The following PI4KA variants were observed in gnomAD, a reference collection of about 807,000 sequenced individuals.
The protein encoded by PI4KA is PI4-kinase alpha.
PI4KA carries 122 observed loss-of-function variants against 271.4 expected under a neutral mutation model. That is an observed-to-expected ratio of 0.45 (90% CI 0.39 to 0.52). The LOEUF is 0.52. Ranked by LOEUF, PI4KA falls within the 20% of genes least tolerant of loss-of-function variation. PI4KA has a pLI of 0.00. For missense variants in PI4KA, 1,969 were observed against 2,769.1 expected (o/e 0.71, Z 6.48); for synonymous variants, 1,041 against 1,078.8 (o/e 0.96, Z 0.69).
intron 1 of PI4KA, among the ~76,000 whole-genome samples, chr22:20,854,477 T>C (rs1052945062): frequency 6.6e-6 from 1 of 152,118 alleles, no homozygotes; most frequent in Non-Finnish European, 1.5e-5. Flanking sequence ...CTTGGTTTCA[T>C]GGACTGGGAT....
At position 20,742,309 on chromosome 22, in the gene PI4KA, C is replaced by A; in HGVS notation, c.3660G>T (p.Arg1220=). ...TCTCCATGCCATGCTCATTGAACAT[C>A]CGGAGGGGACCCCAGCACAGATGAT... ...LLHHLCWGPL[R]MFNEHGMETA... The change falls in exon 32 of 55, where the codon CGG becomes CGT. Residue 1220 remains arginine (R), a synonymous_variant. Coordinates refer to ENST00000255882, the MANE Select transcript of PI4KA (RefSeq NM_058004.4). 2.5e-6 allele frequency: 4 copies of A among 1,614,206 alleles called. No homozygotes were observed. The highest frequency in any genetic ancestry group is 3.4e-6 in the Non-Finnish European group (4 of 1,180,016).
At chr22:20,780,381 T>A (rs984244486) in intron 19 of PI4KA, among the ~76,000 whole-genome samples, 1 of 152,212 alleles carries the variant, frequency 6.6e-6, no homozygotes, top group Non-Finnish European at 1.5e-5. Context: ...ATCTGACACT[T>A]ACTGAGCCCT....
chr22:20,774,869 A>AACACACACGTACGT (rs1175081830), intron 19 of PI4KA, among the ~76,000 whole-genome samples: 1 of 152,184 alleles, frequency 6.6e-6, no homozygotes, highest in Non-Finnish European at 1.5e-5. Context: ...TGCCTGTGAG[A>AACACACACGTACGT]ACACACACGT....
chr22:20,801,083 G>A (rs1434209420), intron 14 of PI4KA, among the ~76,000 whole-genome samples: 2 of 146,622 alleles, frequency 1.4e-5, no homozygotes, highest in Non-Finnish European at 3.0e-5. Context: ...GTAGAGACAG[G>A]GTTTCACCAT....
At chr22:20,822,782 G>C (rs1922880789) in intron 4 of PI4KA, among the ~76,000 whole-genome samples, 1 of 152,148 alleles carries the variant, frequency 6.6e-6, no homozygotes, top group African/African-American at 2.4e-5. Flanking sequence ...ATTCTTCTTA[G>C]AAAACCCAGG....
chr22:20,736,715 C>T (rs946704033), intron 32 of PI4KA: 3 of 155,702 alleles, frequency 1.9e-5, no homozygotes, highest in Non-Finnish European at 4.2e-5. Context: ...TTGCTGGCAT[C>T]TACAGTAAAG....
rs1218678284 is a variant in PI4KA, at chr22:20,805,163, G to A, written c.1171C>T (p.Leu391Phe). The A allele has an allele frequency of 6.2e-7, 1 of 1,612,324 alleles. No homozygotes were observed. The highest frequency in any genetic ancestry group is 8.5e-7 in the Non-Finnish European group (1 of 1,178,910). ...LRDTLYYMKD[L>F]PTSFVKEIHD... ...ATCTCCTTCACAAAAGAGGTCGGGA[G>A]GTCTGTAGGAAAGAGTGTGGCATCA... Residue 391 changes from leucine to phenylalanine, a missense_variant and splice_region_variant, in exon 11 of 55, where the codon CTC becomes TTC. This residue lies in a region of PI4KA where 540 missense variants were observed against 555.5 expected (regional missense o/e 0.97). Transcript: ENST00000255882.
intron 19 of PI4KA, chr22:20,780,300 A>G (rs1601478686): frequency 6.4e-7 from 1 of 1,565,304 alleles, no homozygotes; most frequent in Non-Finnish European, 8.8e-7. Context: ...GCTATAATTT[A>G]TCCAGGAAAA....
intron 41 of PI4KA, 36 bp downstream of exon 41, chr22:20,727,194 C>T (rs1927455107): frequency 6.3e-7 from 1 of 1,590,126 alleles, no homozygotes; most frequent in African/African-American, 1.4e-5. Flanking sequence ...CCCAACAGTC[C>T]TACCAGAGGC....
Position 20,707,856 on chromosome 22 carries a change from T to C in PI4KA, c.*191A>G, listed in dbSNP as rs1183961339. On this transcript the variant is annotated 3_prime_UTR_variant, in exon 55 of 55. Transcript: ENST00000255882. ...GTGCATAGACAGCACCATCCATTGATTGTCGCTGCAGTCCATGGCGTTACC... is the reference window on the plus strand; with the variant it reads ...GTGCATAGACAGCACCATCCATTGACTGTCGCTGCAGTCCATGGCGTTACC... The C allele has an allele frequency of 1.3e-4, 93 of 692,064 alleles. No homozygotes were observed. The highest frequency in any genetic ancestry group is 2.2e-4 in the Non-Finnish European group (83 of 376,152). 42.9% of individuals were successfully genotyped at this position (692,064 alleles called of 1,614,324 possible).
intron 19 of PI4KA, 32 bp from the exon 20 acceptor site, chr22:20,765,725 G>C: frequency 1.4e-6 from 2 of 1,430,758 alleles, no homozygotes; most frequent in Non-Finnish European, 2.0e-6. Context: ...GAGAAAGGAG[G>C]TTATTTGCTG....
intron 19 of PI4KA, among the ~76,000 whole-genome samples, chr22:20,765,966 G>C (rs531177060): frequency 6.6e-6 from 1 of 152,214 alleles, no homozygotes; most frequent in South Asian, 2.1e-4. Context: ...TTGGAGGCAG[G>C]TGAGCAACAG....
intron 8 of PI4KA, among the ~76,000 whole-genome samples, chr22:20,811,251 C>T (rs960805204): frequency 2.6e-5 from 4 of 152,150 alleles, no homozygotes; most frequent in African/African-American, 4.8e-5. Flanking sequence ...ATAGCAATGA[C>T]ATAAAAACAA....
In PI4KA at chr22:20,710,025, G is replaced by A. The variant is rs1029199084; in HGVS notation, c.6084-28C>T. 1.0e-5 allele frequency: 15 copies of A among 1,447,074 alleles called. No homozygotes were observed. In the African/African-American group the frequency reaches 1.7e-4, roughly 16 times the overall value. 89.6% of individuals were successfully genotyped at this position (1,447,074 alleles called of 1,614,324 possible). ...GGGGAGAGATAGGAGGGAGCGGTGGGCTGAGGCCAGCCTAGGTGGTGGCCC... is the reference window on the plus strand; with the variant it reads ...GGGGAGAGATAGGAGGGAGCGGTGGACTGAGGCCAGCCTAGGTGGTGGCCC... On this transcript the variant is annotated intron_variant, in intron 52 of 54. Transcript: ENST00000255882.
At chr22:20,770,545 GAT>G (rs1932824160) in intron 19 of PI4KA, among the ~76,000 whole-genome samples, 18 of 133,460 alleles carry the variant, frequency 1.3e-4, no homozygotes, top group East Asian at 4.5e-4. Flanking sequence ...GAGAGAGAGA[GAT>G]CGGTTTTGCT....
chr22:20,749,993 C>A lies in PI4KA; in HGVS notation c.3155G>T (p.Ser1052Ile), dbSNP rs757633809. The change falls in exon 28 of 55, where the codon AGC (serine) becomes ATC (isoleucine). Residue 1052 changes from serine to isoleucine, a missense_variant and splice_region_variant. Around this residue, in one of 13 missense-constraint regions of PI4KA, gnomAD observed 368 missense variants for 544.3 expected, o/e 0.68. Coordinates refer to ENST00000255882, the MANE Select transcript of PI4KA (RefSeq NM_058004.4). The part of the protein sequence containing the change: ...TVPDTYEARE[S>I]IVKDFAARCG... ...GCGTGCAGCGAAGTCCTTCACAATG[C>A]TCTGGAAGAGGGTGAAGCTGCTTCT... is the stretch of plus-strand genomic sequence containing the variant. The A allele has an allele frequency of 6.2e-7, 1 of 1,608,976 alleles. No individual in the cohort carries two copies. Among genetic ancestry groups the A allele is most frequent in the South Asian group, 1.1e-5 (1 of 90,972 alleles).
chr22:20,769,611 G>A (rs1011278255), intron 19 of PI4KA, among the ~76,000 whole-genome samples: 1 of 151,414 alleles, frequency 6.6e-6, no homozygotes, highest in Non-Finnish European at 1.5e-5. Flanking sequence ...CGAGGTTGCA[G>A]TGAGCCAAGA....
chr22:20,803,362 G>C (rs1416077903), intron 12 of PI4KA, 42 bp from the exon 13 acceptor site: 2 of 1,612,452 alleles, frequency 1.2e-6, no homozygotes, highest in East Asian at 2.2e-5. Context: ...TGTGGTATGG[G>C]ACCATCTGAG....
chr22:20,710,160 G>A, intron 52 of PI4KA, 163 bp from the exon 53 acceptor site: 1 of 669,988 alleles, frequency 1.5e-6, no homozygotes, highest in African/African-American at 1.8e-5. Context: ...TCGATCTGCT[G>A]CACTTGGTAA....
Sources: allele counts gnomAD v4.1 joint callset (sites outside exome capture counted in the v4.1 genomes callset), GRCh38; gene constraint gnomAD v4.1.1; regional missense constraint gnomAD v4.1.1; transcripts MANE v1.5; gene names NCBI Gene and HGNC (gene_info 2026-07-23, HGNC 2026-07-21).